Variants in MED12L observed in about 807,000 individuals in gnomAD.
The protein encoded by MED12L is mediator complex subunit 12L, also known as mediator of RNA polymerase II transcription subunit 12-like protein.
Under a neutral mutation model 281.3 loss-of-function variants are expected in MED12L, and 60 were observed. That is an observed-to-expected ratio of 0.21 (90% confidence interval 0.17 to 0.26). The LOEUF (loss-of-function observed/expected upper bound fraction) is 0.26, where lower values mean the gene tolerates loss of function less well. MED12L is among the 10% of genes least tolerant of loss of function. The probability of loss-of-function intolerance (pLI) is 1.00; values close to 1 mark genes in which losing one functional copy is unlikely to be tolerated. For synonymous variants in MED12L, 974 were observed against 987.2 expected, an observed-to-expected ratio of 0.99 and a Z score of 0.25; for missense variants, 2,146 against 2,680.9, an observed-to-expected ratio of 0.80 and a Z score of 4.41.
Position 151,433,578 on chromosome 3 carries a change from G to A in MED12L, c.*774G>A, listed in dbSNP as rs182862242. On this transcript the variant is annotated 3_prime_UTR_variant, in exon 45 of 45. Coordinates refer to ENST00000687756, the MANE Select transcript of MED12L (RefSeq NM_001393769.1). ...GAGAGTCATTGTGAAGGTACAACAT[G>A]TAAATCCTAAAGGCCTGAAAGAACT... 1.3e-5 allele frequency: 2 copies of A among 152,478 alleles called. No individual in the cohort carries two copies. Among genetic ancestry groups the A allele is most frequent in the East Asian group, 3.9e-4 (2 of 5,184 alleles). 9.4% of individuals were successfully genotyped at this position (152,478 alleles called of 1,614,324 possible).
At position 151,141,078 on chromosome 3, in the gene MED12L, A is replaced by G. The variant is rs1028622523; in HGVS notation, c.556+13094A>G. ...GAGATGGGGTTTCACCATGTTAGCCATGATGGTCTCGATCTCCTGACCTTG... is the reference window on the plus strand; with the variant it reads ...GAGATGGGGTTTCACCATGTTAGCCGTGATGGTCTCGATCTCCTGACCTTG... On this transcript the variant is annotated intron_variant, in intron 5 of 44. Transcript: ENST00000687756. Among the ~76,000 whole-genome samples the G allele has an allele frequency of 1.1e-4, 17 of 151,556 alleles. No individual in the cohort carries two copies. The South Asian group carries it at 1.3e-3, about 11-fold the overall frequency.
At chr3:151,338,636 A>G (rs1167677400) in intron 16 of MED12L, 3 of 1,614,046 alleles carry the variant, frequency 1.9e-6, no homozygotes, top group Non-Finnish European at 2.5e-6. Flanking sequence ...TCATGAGAAG[A>G]TCAGAAATGA....
At position 151,193,256 on chromosome 3, in the gene MED12L, T is replaced by C. The variant is rs553137363; in HGVS notation, c.2074-234T>C. On this transcript the variant is annotated intron_variant, in intron 15 of 44. Transcript: ENST00000687756. ...CCAGGTAGTGTAGACACATTTCTTA[T>C]GTGTGTGGTTGTCATTTTCTCATCT... Among the ~76,000 whole-genome samples the C allele has an allele frequency of 2.6e-5, 4 of 152,334 alleles. No individual in the cohort carries two copies. The South Asian group carries it at 8.3e-4, about 32-fold the overall frequency.
At chr3:151,163,815 G>A in intron 8 of MED12L, 78 bp from the exon 9 acceptor site, 3 of 1,379,616 alleles carry the variant, frequency 2.2e-6, no homozygotes, top group Non-Finnish European at 3.0e-6. Flanking sequence ...TGATGACAGG[G>A]TGTCGTTTTT....
intron 39 of MED12L, among the ~76,000 whole-genome samples, chr3:151,395,205 C>A (rs1377943241): frequency 6.6e-6 from 1 of 152,150 alleles, no homozygotes; most frequent in Non-Finnish European, 1.5e-5. Context: ...ATAATTACCA[C>A]CATATTCTGT....
In MED12L at chr3:151,309,160, A is replaced by AG. The variant is rs1577297173; in HGVS notation, c.2251-40899_2251-40898insG. ...ACACACGCACACACACACACACACA[A>AG]CGTTTCTTCAAAGTAATTCATACTT... On this transcript the variant is annotated intron_variant, in intron 16 of 44. Coordinates refer to ENST00000687756, the MANE Select transcript of MED12L (RefSeq NM_001393769.1). 2.2e-5 allele frequency among the ~76,000 whole-genome samples: 3 copies of AG among 135,344 alleles called. No individual in the cohort carries two copies. The East Asian group carries it at 6.8e-4, about 30-fold the overall frequency. 88.8% of individuals were successfully genotyped at this position (135,344 alleles called of 152,430 possible).
At chr3:151,208,410 C>T (rs949458051) in intron 16 of MED12L, among the ~76,000 whole-genome samples, 9 of 152,184 alleles carry the variant, frequency 5.9e-5, no homozygotes, top group Non-Finnish European at 1.3e-4. Flanking sequence ...ACATTGAGGC[C>T]GGGCGCTCAC....
intron 16 of MED12L, chr3:151,337,903 A>T (rs750504675): frequency 4.3e-6 from 7 of 1,614,104 alleles, no homozygotes; most frequent in Non-Finnish European, 5.9e-6. Context: ...GAATTGGGGC[A>T]CTTCAGCATA....
At chr3:151,159,793 T>C in intron 7 of MED12L, 39 bp from the exon 8 acceptor site, 1 of 1,575,256 alleles carries the variant, frequency 6.3e-7, no homozygotes, top group Non-Finnish European at 8.7e-7. Flanking sequence ...CCAAGACGCA[T>C]AAGACATGAC....
chr3:151,281,329 G>A (rs777522006), intron 16 of MED12L, among the ~76,000 whole-genome samples: 3 of 149,888 alleles, frequency 2.0e-5, no homozygotes, highest in East Asian at 2.0e-4. Flanking sequence ...AGAATCACTC[G>A]AACCCGGGAG....
intron 16 of MED12L, among the ~76,000 whole-genome samples, chr3:151,310,086 T>G (rs1577299755): frequency 6.6e-6 from 1 of 151,942 alleles, no homozygotes; most frequent in African/African-American, 2.4e-5. Flanking sequence ...CACTGTAAAG[T>G]TGGGGGAGCT....
chr3:151,382,618 A>C, intron 32 of MED12L, 38 bp from the exon 33 acceptor site: 1 of 1,490,858 alleles, frequency 6.7e-7, no homozygotes, highest in Non-Finnish European at 9.2e-7. Flanking sequence ...ATGAGAGAAA[A>C]ATTAAACTTT....
At chr3:151,125,082 C>A (rs1714309955) in intron 4 of MED12L, among the ~76,000 whole-genome samples, 1 of 152,252 alleles carries the variant, frequency 6.6e-6, no homozygotes, top group Admixed American at 6.5e-5. Flanking sequence ...TAGAACCAGA[C>A]AACTGCCCTG....
intron 16 of MED12L, chr3:151,212,274 A>G (rs1178287398): frequency 6.6e-6 from 1 of 152,218 alleles, no homozygotes; most frequent in Non-Finnish European, 1.5e-5. Context: ...GTAGCTCATA[A>G]GTCAGTAACC....
At chr3:151,151,251 A>T (rs2148911145) in intron 5 of MED12L, among the ~76,000 whole-genome samples, 1 of 151,472 alleles carries the variant, frequency 6.6e-6, no homozygotes, top group South Asian at 2.1e-4. Context: ...GTTAGCCAGG[A>T]TGGTCTCCAT....
At chr3:151,375,814 T>C (rs1342438417) in intron 27 of MED12L, among the ~76,000 whole-genome samples, 1 of 152,156 alleles carries the variant, frequency 6.6e-6, no homozygotes, top group East Asian at 1.9e-4. Context: ...TAAAAAATGT[T>C]TTTAAGCAAG....
intron 16 of MED12L, among the ~76,000 whole-genome samples, chr3:151,249,765 G>C (rs1439941799): frequency 6.6e-6 from 1 of 152,120 alleles, no homozygotes; most frequent in Non-Finnish European, 1.5e-5. Flanking sequence ...TGATCCCAAT[G>C]CCTGGATATT....
chr3:151,295,781 T>C (rs1044588728), intron 16 of MED12L, among the ~76,000 whole-genome samples: 2 of 152,182 alleles, frequency 1.3e-5, no homozygotes, highest in Admixed American at 1.3e-4. Flanking sequence ...TTGATAGGAA[T>C]AGAAAGAAAA....
At chr3:151,148,272 G>A (rs894528381) in intron 5 of MED12L, among the ~76,000 whole-genome samples, 1 of 152,096 alleles carries the variant, frequency 6.6e-6, no homozygotes, top group Non-Finnish European at 1.5e-5. Context: ...TATATGATTT[G>A]AAATATTCTC....
Sources: allele counts gnomAD v4.1 joint callset (sites outside exome capture counted in the v4.1 genomes callset), GRCh38; gene constraint gnomAD v4.1.1; transcripts MANE v1.5; gene names NCBI Gene and HGNC (gene_info 2026-07-23, HGNC 2026-07-21).